The following RBKS variants were observed in gnomAD, a reference collection of about 807,000 sequenced individuals.
RBKS encodes the protein ribokinase.
In RBKS, 33 loss-of-function variants were observed where a neutral mutation model predicts 33.9. That is an observed-to-expected ratio of 0.97 (90% CI 0.74 to 1.30). The LOEUF is 1.30. Among genes scored for constraint, RBKS ranks in the 50% most tolerant of loss-of-function variants. The pLI, the probability that RBKS is intolerant of heterozygous loss-of-function variation, is 0.00. For synonymous variants in RBKS, 125 were observed against 143.0 expected (o/e 0.87, Z 0.90); for missense variants, 361 against 392.6 (o/e 0.92, Z 0.68).
chr2:27,854,630 T>C (rs1021945771), intron 2 of RBKS, among the ~76,000 whole-genome samples: 3 of 152,204 alleles, frequency 2.0e-5, no homozygotes. Flanking sequence ...AACCTGCCTC[T>C]TAATTAGCAT....
rs560620134 is a variant in RBKS at position 27,866,782 on chromosome 2, A to G, written c.90-8211T>C. ...TTCTGTTCATCTTTTTCTTTAAATCACTGAGCATATTTGTAACAGGTCTTT... is the reference window on the plus strand; with the variant it reads ...TTCTGTTCATCTTTTTCTTTAAATCGCTGAGCATATTTGTAACAGGTCTTT... On this transcript the variant is annotated intron_variant, in intron 1 of 7. Coordinates refer to ENST00000302188, the MANE Select transcript of RBKS (RefSeq NM_022128.3). Among the ~76,000 whole-genome samples the G allele has an allele frequency of 2.1e-3, 320 of 152,114 alleles. 1 individual carries two copies. Among genetic ancestry groups the G allele is most frequent in the African/African-American group, 7.3e-3 (301 of 41,466 alleles).
chr2:27,890,096 G>A lies in RBKS; in HGVS notation c.89+161C>T. ...CCTTTATATACTCAAGTTCTTTCAT[G>A]CCAGGAAGGTAGGCTGAAGGCTTCG... On this transcript the variant is annotated intron_variant, in intron 1 of 7. Coordinates refer to ENST00000302188, the MANE Select transcript of RBKS (RefSeq NM_022128.3). This position sits in a 1 kb window ranked among gnomAD's most constrained non-coding sequence, Gnocchi z 4.8. The A allele has an allele frequency of 3.3e-6, 2 of 607,824 alleles. No individual in the cohort carries two copies. Among genetic ancestry groups the A allele is most frequent in the Non-Finnish European group, 5.8e-6 (2 of 346,130 alleles). 37.7% of individuals were successfully genotyped at this position (607,824 alleles called of 1,614,324 possible). A position where few individuals can be genotyped will look rare whatever the true frequency, so the allele number is the denominator to read the frequency against.
intron 5 of RBKS, among the ~76,000 whole-genome samples, chr2:27,836,942 T>G (rs371658066): frequency 6.6e-6 from 1 of 150,660 alleles, no homozygotes. Flanking sequence ...CAAACTATAA[T>G]GAGATACCAT....
At chr2:27,822,666 T>G (rs1678234567) in intron 7 of RBKS, among the ~76,000 whole-genome samples, 1 of 152,240 alleles carries the variant, frequency 6.6e-6, no homozygotes, top group Non-Finnish European at 1.5e-5. Flanking sequence ...TGAGTAGTTA[T>G]GGGACACCCA....
chr2:27,794,327 A>AATAATG (rs1318089840), intron 7 of RBKS, among the ~76,000 whole-genome samples: 1 of 147,516 alleles, frequency 6.8e-6, no homozygotes, highest in Admixed American at 6.8e-5. Flanking sequence ...TAATAATAAT[A>AATAATG]ATAATAATAA....
intron 1 of RBKS, among the ~76,000 whole-genome samples, chr2:27,873,751 A>G (rs1664259823): frequency 6.6e-6 from 1 of 152,170 alleles, no homozygotes; most frequent in Non-Finnish European, 1.5e-5. Context: ...CTGCAATGAT[A>G]CAGAAGAATT....
chr2:27,874,019 A>G (rs1455758167), intron 1 of RBKS, among the ~76,000 whole-genome samples: 1 of 152,242 alleles, frequency 6.6e-6, no homozygotes, highest in Non-Finnish European at 1.5e-5. Context: ...AGGTAAGGCA[A>G]GGCAGATAGA....
chr2:27,813,670 T>G (rs7574131), intron 7 of RBKS, among the ~76,000 whole-genome samples: 3,121 of 151,582 alleles, frequency 0.021, 121 homozygotes, highest in African/African-American at 0.071. Flanking sequence ...TATATATCTA[T>G]ATATATATAT....
intron 1 of RBKS, chr2:27,870,218 A>G (rs749251594): frequency 2.6e-5 from 4 of 152,698 alleles, no homozygotes; most frequent in African/African-American, 9.6e-5. Flanking sequence ...CATGTCAGAA[A>G]TCCCCATGTT....
At chr2:27,818,101 G>A (rs1481817303) in intron 7 of RBKS, among the ~76,000 whole-genome samples, 1 of 152,122 alleles carries the variant, frequency 6.6e-6, no homozygotes, top group East Asian at 1.9e-4. Context: ...TTAATGGTGG[G>A]TGATACAAGC....
intron 7 of RBKS, among the ~76,000 whole-genome samples, chr2:27,813,137 G>A (rs1678024222): frequency 2.6e-5 from 4 of 151,994 alleles, no homozygotes; most frequent in Admixed American, 2.6e-4. Context: ...TACTCCTGGG[G>A]CAGCAGGCAG....
rs188362499 is a variant in RBKS, at chr2:27,824,140, C to A, written c.795+3427G>T. ...ATAGAAATAAAATCATAATATATGA[C>A]CTCTTATGCCTGGCTTCTTTTACTT... On this transcript the variant is annotated intron_variant, in intron 7 of 7. Transcript: ENST00000302188. Among the ~76,000 whole-genome samples the A allele has an allele frequency of 2.6e-3, 390 of 152,274 alleles. 1 individual carries two copies. The highest frequency in any genetic ancestry group is 8.9e-3 in the African/African-American group (369 of 41,560).
At chr2:27,833,840 T>C (rs1248541337) in intron 5 of RBKS, among the ~76,000 whole-genome samples, 2 of 152,192 alleles carry the variant, frequency 1.3e-5, no homozygotes, top group East Asian at 3.9e-4. Context: ...GAGTACTAGA[T>C]TGGTTAGTCT....
In RBKS at chr2:27,832,758, T is replaced by C; in HGVS notation, c.534A>G (p.Pro178=). The C allele has an allele frequency of 6.2e-7, 1 of 1,612,118 alleles. No individual in the cohort carries two copies. Among genetic ancestry groups the C allele is most frequent in the South Asian group, 1.1e-5 (1 of 91,050 alleles). The change falls in exon 6 of 8, where the codon CCA becomes CCG. Residue 178 remains proline, a synonymous_variant. Coordinates refer to ENST00000302188, the MANE Select transcript of RBKS (RefSeq NM_022128.3). ...RRSGVKTLFN[P]APAIADLDPQ... is the part of the protein sequence containing the mutation. ...GATCCAGGTCAGCAATGGCAGGGGC[T>C]GGATTGAACAAGGTTTTCACTACAA... is the stretch of plus-strand genomic sequence containing the variant.
chr2:27,816,180 C>A (rs1235272941), intron 7 of RBKS, among the ~76,000 whole-genome samples: 1 of 152,124 alleles, frequency 6.6e-6, no homozygotes, highest in African/African-American at 2.4e-5. Flanking sequence ...ATTTCTAGAG[C>A]CCTGGGTATT....
At chr2:27,855,549 A>G (rs1663842918) in intron 2 of RBKS, among the ~76,000 whole-genome samples, 1 of 152,244 alleles carries the variant, frequency 6.6e-6, no homozygotes, top group African/African-American at 2.4e-5. Context: ...AAGATTTAAG[A>G]AAGATGTCCT....
intron 1 of RBKS, chr2:27,861,659 T>A: frequency 5.2e-6 from 2 of 383,014 alleles, no homozygotes; most frequent in Non-Finnish European, 1.0e-5. Flanking sequence ...GTTCCATTTC[T>A]TTTTGGGGGG....
chr2:27,861,673 G>GGGTT, intron 1 of RBKS: 1 of 412,556 alleles, frequency 2.4e-6, no homozygotes, highest in Non-Finnish European at 5.0e-6. Context: ...TGGGGGGGGG[G>GGGTT]TGGAGTCTCA....
intron 1 of RBKS, among the ~76,000 whole-genome samples, chr2:27,883,725 ATT>A (rs59775257): frequency 2.1e-5 from 3 of 144,556 alleles, no homozygotes; most frequent in Non-Finnish European, 1.5e-5. Context: ...GTCATATGCA[ATT>A]TTTTTTTTTT....
Sources: gnomAD v4.1 joint callset for allele counts (sites outside exome capture counted in the v4.1 genomes callset) on GRCh38, gnomAD v4.1.1 for gene constraint, Gnocchi (gnomAD v3.1) non-coding constraint, MANE v1.5 for transcripts, NCBI Gene and HGNC (gene_info 2026-07-23, HGNC 2026-07-21) for gene names.